BCKDHB: variants seen among roughly 807,000 people sequenced by gnomAD.
BCKDHB encodes branched chain keto acid dehydrogenase E1 subunit beta.
In BCKDHB, 41 loss-of-function variants were observed where a neutral mutation model predicts 48.5. The observed-to-expected ratio is 0.85, with a 90% CI of 0.66 to 1.10. The LOEUF is 1.10. Ranked by LOEUF, BCKDHB falls within the 50% of genes least tolerant of loss-of-function variation. The pLI is 0.00. For missense variants in BCKDHB, 496 were observed against 494.2 expected, an observed-to-expected ratio of 1.00 and a Z score of -0.03; for synonymous variants, 201 against 174.8, an observed-to-expected ratio of 1.15 and a Z score of -1.18.
the BCKDHB span, among the ~76,000 whole-genome samples, chr6:80,433,753 C>G: frequency 6.6e-6 from 1 of 152,000 alleles, no homozygotes; most frequent in Non-Finnish European, 1.5e-5. Context: ...TGTCTGTCCT[C>G]TGGCTGATTT....
intron 3 of BCKDHB, among the ~76,000 whole-genome samples, chr6:80,155,973 T>C (rs941447637): frequency 6.6e-6 from 1 of 151,862 alleles, no homozygotes; most frequent in Non-Finnish European, 1.5e-5. Context: ...ATGGATAGTT[T>C]GTTTTAAAAA....
intron 9 of BCKDHB, among the ~76,000 whole-genome samples, chr6:80,319,279 C>A (rs1768594845): frequency 2.6e-5 from 4 of 152,136 alleles, no homozygotes; most frequent in Admixed American, 2.6e-4. Context: ...GGTATGTGGG[C>A]TTATATGAAT....
At chr6:80,217,629 C>T (rs568284629) in intron 8 of BCKDHB, among the ~76,000 whole-genome samples, 20 of 152,248 alleles carry the variant, frequency 1.3e-4, no homozygotes, top group Admixed American at 2.6e-4. Flanking sequence ...CTTCCCTGCC[C>T]CTACTCCCTA....
At chr6:80,219,249 G>T (rs1015755104) in intron 8 of BCKDHB, among the ~76,000 whole-genome samples, 1 of 147,930 alleles carries the variant, frequency 6.8e-6, no homozygotes, top group African/African-American at 2.5e-5. Flanking sequence ...CTCTTGTCAC[G>T]CAGGCTGGAG....
At chr6:80,175,250 C>T (rs1773095364) in intron 6 of BCKDHB, among the ~76,000 whole-genome samples, 1 of 152,178 alleles carries the variant, frequency 6.6e-6, no homozygotes, top group African/African-American at 2.4e-5. Flanking sequence ...TAAAGAATAA[C>T]TTGAAGATTG....
intron 1 of BCKDHB, among the ~76,000 whole-genome samples, chr6:80,112,987 A>G (rs1296131393): frequency 6.6e-6 from 1 of 152,226 alleles, no homozygotes; most frequent in Non-Finnish European, 1.5e-5. Flanking sequence ...TAATGATAGG[A>G]ACCGGAGGTG....
chr6:80,436,460 C>T, the BCKDHB span, among the ~76,000 whole-genome samples: 1 of 151,982 alleles, frequency 6.6e-6, no homozygotes, highest in Non-Finnish European at 1.5e-5. Flanking sequence ...AAAATATTAT[C>T]CTGTTATAAT....
At position 80,113,542 on chromosome 6, in the gene BCKDHB, G is replaced by T. The variant is rs564650620; in HGVS notation, c.196+6653G>T. Reference sequence around the variant, plus strand: ...GCGCTGAAGGGCCCAAGTTGGAAAGGGAAAAGAGAAAAAAGCATTCCCCTG... The same window carrying T: ...GCGCTGAAGGGCCCAAGTTGGAAAGTGAAAAGAGAAAAAAGCATTCCCCTG... On this transcript the variant is annotated intron_variant, in intron 1 of 9. Transcript: ENST00000320393. Among the ~76,000 whole-genome samples, 6 of 152,208 alleles carry T rather than the reference G, an allele frequency of 3.9e-5. No homozygotes were observed. The South Asian group carries it at 1.2e-3, about 32-fold the overall frequency.
At chr6:80,188,819 C>A (rs1413181366) in intron 6 of BCKDHB, among the ~76,000 whole-genome samples, 3 of 152,072 alleles carry the variant, frequency 2.0e-5, no homozygotes, top group African/African-American at 7.2e-5. Context: ...AAAAGGTTTT[C>A]TGAAAAGAGA....
At position 80,141,532 on chromosome 6, in the gene BCKDHB, A is replaced by C. The variant is rs375695755; in HGVS notation, c.343+12303A>C. 3.9e-5 allele frequency among the ~76,000 whole-genome samples: 6 copies of C among 152,248 alleles called. No individual in the cohort carries two copies. In the East Asian group the frequency reaches 7.7e-4, roughly 20 times the overall value. On this transcript the variant is annotated intron_variant, in intron 3 of 9. Coordinates refer to ENST00000320393, the MANE Select transcript of BCKDHB (RefSeq NM_183050.4). ...CAACAGGTGTTCTCTTTGACATTTT[A>C]AGTATCAGTCAGAATGTAATGACCT...
At chr6:80,261,011 C>T (rs1777277959) in intron 8 of BCKDHB, among the ~76,000 whole-genome samples, 1 of 151,980 alleles carries the variant, frequency 6.6e-6, no homozygotes, top group South Asian at 2.1e-4. Context: ...TGAGTTTGGC[C>T]CCCTAAGTCA....
At chr6:80,274,618 A>G (rs1418009288) in intron 9 of BCKDHB, among the ~76,000 whole-genome samples, 1 of 152,024 alleles carries the variant, frequency 6.6e-6, no homozygotes, top group African/African-American at 2.4e-5. Context: ...TGTTTTGTTC[A>G]CTGCTTATTG....
chr6:80,410,635 G>C, the BCKDHB span, among the ~76,000 whole-genome samples: 1 of 152,148 alleles, frequency 6.6e-6, no homozygotes, highest in East Asian at 1.9e-4. Context: ...TGGAGGCTTT[G>C]TTCATTTCTT....
chr6:80,233,728 A>C (rs139991754), intron 8 of BCKDHB, among the ~76,000 whole-genome samples: 6 of 152,180 alleles, frequency 3.9e-5, no homozygotes, highest in African/African-American at 1.4e-4. Flanking sequence ...AATTTGTTAG[A>C]CTGAGTACTC....
At chr6:80,144,120 AAAATCACT>A (rs1215203165) in intron 3 of BCKDHB, among the ~76,000 whole-genome samples, 2 of 152,182 alleles carry the variant, frequency 1.3e-5, no homozygotes, top group African/African-American at 4.8e-5. Flanking sequence ...AAGGAAACTC[AAAATCACT>A]TCAGGAACAT....
At position 80,131,198 on chromosome 6, in the gene BCKDHB, C is replaced by T. The variant is rs145445813; in HGVS notation, c.343+1969C>T. Among the ~76,000 whole-genome samples, 269 of 152,296 alleles carry T rather than the reference C, an allele frequency of 1.8e-3. 1 individual carries two copies. Among genetic ancestry groups the T allele is most frequent in the African/African-American group, 6.0e-3 (251 of 41,562 alleles). On this transcript the variant is annotated intron_variant, in intron 3 of 9. Coordinates refer to ENST00000320393, the MANE Select transcript of BCKDHB (RefSeq NM_183050.4). Reference sequence around the variant, plus strand: ...AATTTCTGTCTCTAGTTCAGACTTCCGTTCTGAGCTTCAGATCTGTGTATT... The same window carrying T: ...AATTTCTGTCTCTAGTTCAGACTTCTGTTCTGAGCTTCAGATCTGTGTATT...
chr6:80,120,609 C>G (rs1437407468), intron 1 of BCKDHB, among the ~76,000 whole-genome samples: 2 of 152,126 alleles, frequency 1.3e-5, no homozygotes, highest in African/African-American at 2.4e-5. Flanking sequence ...TCTCTGATGA[C>G]CGGTGATGAT....
intron 8 of BCKDHB, among the ~76,000 whole-genome samples, chr6:80,241,580 G>A (rs1327977846): frequency 6.6e-6 from 1 of 152,168 alleles, no homozygotes; most frequent in Non-Finnish European, 1.5e-5. Flanking sequence ...CATCACCAGC[G>A]GAGGGTGCAG....
At chr6:80,440,435 T>C in the BCKDHB span, among the ~76,000 whole-genome samples, 13 of 152,238 alleles carry the variant, frequency 8.5e-5, no homozygotes, top group African/African-American at 3.1e-4. Flanking sequence ...TTCTTTACCA[T>C]ATGCCTTTTG....
Sources: gnomAD v4.1 joint callset for allele counts (sites outside exome capture counted in the v4.1 genomes callset) on GRCh38, gnomAD v4.1.1 for gene constraint, MANE v1.5 for transcripts, NCBI Gene and HGNC (gene_info 2026-07-23, HGNC 2026-07-21) for gene names.